MTMR12: variants seen among roughly 807,000 people sequenced by gnomAD.
MTMR12 encodes myotubularin-related protein 12.
A neutral mutation model predicts 96.7 loss-of-function variants in MTMR12; 33 were observed. The ratio of observed to expected loss-of-function variants is 0.34; its 90% CI spans 0.26 to 0.46. The LOEUF is 0.46. MTMR12 is among the 20% of genes least tolerant of loss of function. The pLI, the probability that MTMR12 is intolerant of heterozygous loss-of-function variation, is 1.00. For missense variants in MTMR12, 721 were observed against 896.1 expected (o/e 0.80, Z 2.49); for synonymous variants, 298 against 327.2 (o/e 0.91, Z 0.96).
At chr5:32,302,561 AC>A (rs1218469826) in intron 1 of MTMR12, among the ~76,000 whole-genome samples, 1 of 152,136 alleles carries the variant, frequency 6.6e-6, no homozygotes, top group African/African-American at 2.4e-5. Flanking sequence ...CACCAAAAAT[AC>A]AAAAATTAGC....
intron 1 of MTMR12, among the ~76,000 whole-genome samples, chr5:32,277,170 C>T (rs531461021): frequency 1.3e-5 from 2 of 152,160 alleles, no homozygotes; most frequent in African/African-American, 2.4e-5. Flanking sequence ...CAGGCGTGAG[C>T]CACCATGCCT....
chr5:32,275,578 TCA>T (rs1184033710), intron 2 of MTMR12, among the ~76,000 whole-genome samples: 1 of 152,196 alleles, frequency 6.6e-6, no homozygotes, highest in African/African-American at 2.4e-5. Flanking sequence ...TTATACCAGA[TCA>T]CAGAGTCTAG....
chr5:32,308,311 G>A (rs144215003), intron 1 of MTMR12, among the ~76,000 whole-genome samples: 1 of 151,818 alleles, frequency 6.6e-6, no homozygotes, highest in African/African-American at 2.4e-5. Context: ...GACAGAACGA[G>A]GCTCCATCTC....
At chr5:32,241,918 A>T in intron 12 of MTMR12, 139 bp downstream of exon 12, 1 of 663,954 alleles carries the variant, frequency 1.5e-6, no homozygotes, top group Non-Finnish European at 2.4e-6. Flanking sequence ...AAGGATTCCA[A>T]GGTTAGGGAG....
At chr5:32,303,847 CAAAAA>C (rs57459005) in intron 1 of MTMR12, among the ~76,000 whole-genome samples, 162 of 68,398 alleles carry the variant, frequency 2.4e-3, no homozygotes, top group African/African-American at 8.2e-3. Flanking sequence ...TTTGCCATCT[CAAAAA>C]AAAAAAAAAA....
At chr5:32,275,355 A>G (rs527787905) in intron 2 of MTMR12, among the ~76,000 whole-genome samples, 3 of 152,208 alleles carry the variant, frequency 2.0e-5, no homozygotes, top group African/African-American at 4.8e-5. Flanking sequence ...TGCCAAGTCC[A>G]TGGGGGAAGA....
intron 7 of MTMR12, among the ~76,000 whole-genome samples, chr5:32,259,994 C>G (rs187430147): frequency 6.6e-4 from 99 of 150,102 alleles, no homozygotes; most frequent in Non-Finnish European, 1.0e-3. Context: ...CGAGATCACA[C>G]CACTGCACTC....
chr5:32,242,179 C>T (rs1748501436), intron 11 of MTMR12, 52 bp from the exon 12 acceptor site: 2 of 1,339,506 alleles, frequency 1.5e-6, no homozygotes, highest in Non-Finnish European at 2.1e-6. Context: ...AGCTTGGTAA[C>T]ACAAACACTA....
intron 6 of MTMR12, among the ~76,000 whole-genome samples, chr5:32,264,710 C>T (rs559898063): frequency 2.6e-5 from 4 of 152,242 alleles, no homozygotes; most frequent in African/African-American, 4.8e-5. Flanking sequence ...CCACCCACCT[C>T]GGCCTCCCAA....
Position 32,233,658 on chromosome 5 carries a change from G to T in MTMR12, c.1674+115C>A, listed in dbSNP as rs1329959761. ...TTTGACCATCACAAGTCTCAACTCT[G>T]CAGACTGCTTCGAGGGGTAGAAAAT... On this transcript the variant is annotated intron_variant, in intron 15 of 15. Transcript: ENST00000382142. This position sits in a 1 kb window ranked among gnomAD's most constrained non-coding sequence, Gnocchi z 5.0. 7.0e-7 allele frequency: 1 copy of T among 1,419,128 alleles called. No homozygotes were observed. Among genetic ancestry groups the T allele is most frequent in the African/African-American group, 1.4e-5 (1 of 71,068 alleles). 87.9% of individuals were successfully genotyped at this position (1,419,128 alleles called of 1,614,324 possible). A position where few individuals can be genotyped will look rare whatever the true frequency, so the allele number is the denominator to read the frequency against.
intron 6 of MTMR12, among the ~76,000 whole-genome samples, chr5:32,264,463 CTT>C (rs766108483): frequency 5.6e-5 from 8 of 144,058 alleles, no homozygotes; most frequent in Admixed American, 7.0e-5. Context: ...GAGCATATTA[CTT>C]TTTTTTTTTT....
At chr5:32,269,223 C>T (rs917571085) in intron 5 of MTMR12, among the ~76,000 whole-genome samples, 9 of 151,832 alleles carry the variant, frequency 5.9e-5, no homozygotes, top group African/African-American at 4.8e-5. Flanking sequence ...GACGGGGTTT[C>T]GCTATGTTGG....
rs1747920986 is a variant in MTMR12 at position 32,229,859 on chromosome 5, G to A, written c.2163C>T (p.Pro721=). 2 of 1,606,548 alleles carry A rather than the reference G, an allele frequency of 1.2e-6. No individual in the cohort carries two copies. Among genetic ancestry groups the A allele is most frequent in the Non-Finnish European group, 1.7e-6 (2 of 1,176,468 alleles). Residue 721 remains proline (P), a synonymous_variant, in exon 16 of 16, where the codon CCC becomes CCT. Coordinates refer to ENST00000382142, the MANE Select transcript of MTMR12 (RefSeq NM_001040446.3). Reference sequence around the variant, plus strand: ...CTCCCAAAGCTTTCCAGCCACTGGTGGGTAAGACGGGCTTAGAGGAATGTC... The same window carrying A: ...CTCCCAAAGCTTTCCAGCCACTGGTAGGTAAGACGGGCTTAGAGGAATGTC... The part of the protein sequence containing the change: ...LQRHSSKPVL[P]TSGWKALGDE...
At chr5:32,247,808 G>C in intron 10 of MTMR12, 194 bp downstream of exon 10, 1 of 984,930 alleles carries the variant, frequency 1.0e-6, no homozygotes, top group Non-Finnish European at 1.2e-6. Flanking sequence ...AAGGAGGCGG[G>C]GAGGGAAAGC....
chr5:32,246,173 T>TTTTTTTTTTTGTTTG (rs1332242386), intron 10 of MTMR12, among the ~76,000 whole-genome samples: 9 of 144,266 alleles, frequency 6.2e-5, no homozygotes, highest in African/African-American at 2.0e-4. Flanking sequence ...GTAGACAGTT[T>TTTTTTTTTTTGTTTG]TTTTTTTTTT....
At chr5:32,280,260 A>G (rs925673814) in intron 1 of MTMR12, among the ~76,000 whole-genome samples, 1 of 152,244 alleles carries the variant, frequency 6.6e-6, no homozygotes, top group Admixed American at 6.5e-5. Flanking sequence ...CAAAATGCTT[A>G]TAAATGCTCC....
At chr5:32,309,450 T>C (rs1435025187) in intron 1 of MTMR12, among the ~76,000 whole-genome samples, 2 of 151,924 alleles carry the variant, frequency 1.3e-5, no homozygotes, top group African/African-American at 4.8e-5. Context: ...TGAGAGAAAA[T>C]ATTTACAAAC....
At chr5:32,285,690 C>A (rs1477009500) in intron 1 of MTMR12, among the ~76,000 whole-genome samples, 4 of 152,152 alleles carry the variant, frequency 2.6e-5, no homozygotes, top group African/African-American at 9.7e-5. Context: ...TATCTAAGAA[C>A]CTCACCCATG....
intron 10 of MTMR12, among the ~76,000 whole-genome samples, chr5:32,245,271 G>A (rs1033089992): frequency 1.3e-5 from 2 of 152,072 alleles, no homozygotes; most frequent in Non-Finnish European, 2.9e-5. Flanking sequence ...CCTGACCTCT[G>A]GTGATCCGCC....
Sources: allele counts gnomAD v4.1 joint callset (sites outside exome capture counted in the v4.1 genomes callset), GRCh38; gene constraint gnomAD v4.1.1; non-coding constraint Gnocchi (gnomAD v3.1); transcripts MANE v1.5; gene names NCBI Gene and HGNC (gene_info 2026-07-23, HGNC 2026-07-21).